The following ME3 variants were observed in gnomAD, a reference collection of about 807,000 sequenced individuals.
ME3 encodes the protein NADP-dependent malic enzyme, mitochondrial.
A neutral mutation model predicts 68.9 loss-of-function variants in ME3; 48 were observed. That is an observed-to-expected ratio of 0.70 (90% CI 0.55 to 0.89). The LOEUF (loss-of-function observed/expected upper bound fraction) is 0.89. Among genes scored for constraint, ME3 ranks in the 40% least tolerant of loss-of-function variants. The pLI, the probability that ME3 is intolerant of heterozygous loss-of-function variation, is 0.00. For missense variants in ME3, 675 were observed against 797.4 expected (o/e 0.85, Z 1.85); for synonymous variants, 320 against 318.8 (o/e 1.00, Z -0.04).
chr11:86,572,037 G>T (rs937266995), intron 2 of ME3, among the ~76,000 whole-genome samples: 3 of 152,202 alleles, frequency 2.0e-5, no homozygotes, highest in African/African-American at 7.2e-5. Flanking sequence ...AAAACAAAAT[G>T]ACTGAATGTA....
At chr11:86,653,374 CA>C (rs1333748472) in intron 2 of ME3, among the ~76,000 whole-genome samples, 8 of 152,120 alleles carry the variant, frequency 5.3e-5, no homozygotes, top group Non-Finnish European at 1.2e-4. Flanking sequence ...ATGTAAAAGA[CA>C]AAAAATTATA....
chr11:86,483,767 T>A (rs370219433), intron 7 of ME3, among the ~76,000 whole-genome samples: 3 of 152,352 alleles, frequency 2.0e-5, no homozygotes, highest in Admixed American at 6.5e-5. Context: ...AAGCTGCTGC[T>A]GACATCAAGT....
intron 4 of ME3, among the ~76,000 whole-genome samples, chr11:86,530,598 A>G (rs1216976884): frequency 2.6e-5 from 4 of 152,252 alleles, no homozygotes; most frequent in Admixed American, 6.5e-5. Context: ...ACTTCAAACT[A>G]TACTACAAGG....
intron 4 of ME3, among the ~76,000 whole-genome samples, chr11:86,523,282 ATGT>A (rs1954463458): frequency 6.6e-6 from 1 of 152,230 alleles, no homozygotes; most frequent in South Asian, 2.1e-4. Flanking sequence ...TGGGAGGTAT[ATGT>A]TGTTGTCCTC....
At chr11:86,436,637 C>T (rs922729744), downstream of ME3, 2 of 152,076 alleles carry the variant, frequency 1.3e-5, no homozygotes, top group Non-Finnish European at 2.9e-5. Context: ...TTTTAGCTCT[C>T]ACATTTAGGT....
At chr11:86,621,013 A>G (rs1414736139) in intron 2 of ME3, among the ~76,000 whole-genome samples, 1 of 152,126 alleles carries the variant, frequency 6.6e-6, no homozygotes, top group Non-Finnish European at 1.5e-5. Context: ...GCCTCCACCA[A>G]AGTAAGGTCT....
chr11:86,518,771 G>A (rs569054916), intron 4 of ME3, among the ~76,000 whole-genome samples: 1 of 152,298 alleles, frequency 6.6e-6, no homozygotes, highest in Admixed American at 6.5e-5. Context: ...CTTTGCAGAT[G>A]TGGTCAAGAT....
intron 2 of ME3, among the ~76,000 whole-genome samples, chr11:86,669,689 G>A (rs191933521): frequency 2.0e-5 from 3 of 152,284 alleles, no homozygotes; most frequent in Admixed American, 2.0e-4. Context: ...AATTCAAGAT[G>A]AGATTTGTAT....
chr11:86,579,803 T>G (rs1301882800), intron 2 of ME3, among the ~76,000 whole-genome samples: 2 of 152,210 alleles, frequency 1.3e-5, no homozygotes, highest in Non-Finnish European at 2.9e-5. Context: ...CTAATGCAGA[T>G]CTAAAATTAA....
chr11:86,611,223 G>A (rs910563324), intron 2 of ME3, among the ~76,000 whole-genome samples: 1 of 152,092 alleles, frequency 6.6e-6, no homozygotes, highest in African/African-American at 2.4e-5. Context: ...ATAGAATTGT[G>A]GTTGCCAGGG....
Position 86,595,558 on chromosome 11 carries a change from C to T in ME3, c.184-35735G>A, listed in dbSNP as rs1359946253. On this transcript the variant is annotated intron_variant, in intron 2 of 14. Transcript: ENST00000543262. ...AACTGACAATCAGATCGAGTAAGCG[C>T]GTGCCCTGGTTTGAAAGGTCAGGTA... 3.3e-5 allele frequency among the ~76,000 whole-genome samples: 5 copies of T among 152,122 alleles called. No individual in the cohort carries two copies. The South Asian group carries it at 8.3e-4, about 25-fold the overall frequency.
At chr11:86,528,118 G>A (rs374309630) in intron 4 of ME3, among the ~76,000 whole-genome samples, 13 of 152,218 alleles carry the variant, frequency 8.5e-5, no homozygotes, top group South Asian at 4.2e-4. Flanking sequence ...CCCATCTCAC[G>A]TGCATAGACA....
downstream of ME3, chr11:86,437,085 A>C (rs373036598): frequency 9.2e-5 from 14 of 151,954 alleles, no homozygotes; most frequent in Admixed American, 4.6e-4. Flanking sequence ...CCACTCTCCC[A>C]CCCTTCCAGG....
intron 8 of ME3, among the ~76,000 whole-genome samples, chr11:86,459,550 A>G (rs1027634662): frequency 2.0e-5 from 3 of 152,186 alleles, no homozygotes; most frequent in African/African-American, 7.2e-5. Flanking sequence ...GAATTGGCAT[A>G]GGCTGCAACC....
intron 2 of ME3, among the ~76,000 whole-genome samples, chr11:86,607,802 T>G (rs74689450): frequency 0.048 from 7,268 of 152,106 alleles, 207 homozygotes; most frequent in Middle Eastern, 0.12. Context: ...TTGGTCGGAC[T>G]CTGGAGCCAT....
At chr11:86,657,737 A>G (rs988278762) in intron 2 of ME3, among the ~76,000 whole-genome samples, 2 of 152,230 alleles carry the variant, frequency 1.3e-5, no homozygotes, top group African/African-American at 2.4e-5. Flanking sequence ...AAAAAAAATA[A>G]TAACCATCTT....
intron 8 of ME3, among the ~76,000 whole-genome samples, chr11:86,453,350 G>T (rs1365204935): frequency 6.6e-6 from 1 of 152,206 alleles, no homozygotes; most frequent in African/African-American, 2.4e-5. Context: ...AGTGTATATG[G>T]ATGCTGGGTA....
At chr11:86,612,703 A>T (rs551211299) in intron 2 of ME3, among the ~76,000 whole-genome samples, 1 of 152,262 alleles carries the variant, frequency 6.6e-6, no homozygotes, top group Non-Finnish European at 1.5e-5. Flanking sequence ...TGGCCATGTA[A>T]ATGTCTTCTT....
At chr11:86,619,668 G>T (rs995720426) in intron 2 of ME3, among the ~76,000 whole-genome samples, 8 of 152,328 alleles carry the variant, frequency 5.3e-5, no homozygotes, top group Non-Finnish European at 2.9e-5. Flanking sequence ...TCTACCTTCT[G>T]CCATGACTGT....
Sources: gnomAD v4.1 joint callset for allele counts (sites outside exome capture counted in the v4.1 genomes callset) on GRCh38, gnomAD v4.1.1 for gene constraint, MANE v1.5 for transcripts, NCBI Gene and HGNC (gene_info 2026-07-23, HGNC 2026-07-21) for gene names.